The following NET1 variants were observed in gnomAD, a reference collection of about 807,000 sequenced individuals.
NET1 encodes neuroepithelial cell transforming 1.
In NET1, 42 loss-of-function variants were observed where a neutral mutation model predicts 61.1. That is an observed-to-expected ratio of 0.69 (90% CI 0.54 to 0.89). NET1 has a LOEUF of 0.89. Ranked by LOEUF, NET1 falls within the 40% of genes least tolerant of loss-of-function variation. The pLI is 0.00. For missense variants in NET1, 654 were observed against 747.3 expected, an observed-to-expected ratio of 0.88 and a Z score of 1.46; for synonymous variants, 254 against 281.8, an observed-to-expected ratio of 0.90 and a Z score of 0.99.
At chr10:5,432,605 T>A (rs1832366319) in intron 3 of NET1, among the ~76,000 whole-genome samples, 1 of 75,722 alleles carries the variant, frequency 1.3e-5, no homozygotes, top group Non-Finnish European at 3.0e-5. Flanking sequence ...CTTTTTAAAT[T>A]TATCTTATAA....
chr10:5,412,782 G>A lies in NET1; in HGVS notation c.90G>A (p.Gly30=), dbSNP rs1832017138. 4.8e-6 allele frequency: 7 copies of A among 1,457,092 alleles called. No homozygotes were observed. The highest frequency in any genetic ancestry group is 6.3e-6 in the Non-Finnish European group (7 of 1,108,670). 90.3% of individuals were successfully genotyped at this position (1,457,092 alleles called of 1,614,324 possible). A position where few individuals can be genotyped will look rare whatever the true frequency, so the allele number is the denominator to read the frequency against. Residue 30 remains glycine (G), a synonymous_variant, in exon 1 of 12, where the codon GGG becomes GGA. Coordinates refer to ENST00000355029, the MANE Select transcript of NET1 (RefSeq NM_001047160.3). The surrounding 1 kb of genome is among the most constrained non-coding windows in gnomAD (Gnocchi z 6.5). ...GGCTCAGCACGGAGGGAGCGACGGG[G>A]CCTTCGGCCGACACCTCCGGGTCGG... ...ASGLSTEGAT[G]PSADTSGSEL... is the part of the protein sequence containing the mutation.
intron 3 of NET1, among the ~76,000 whole-genome samples, chr10:5,434,526 T>C (rs1832396017): frequency 6.6e-6 from 1 of 152,124 alleles, no homozygotes; most frequent in South Asian, 2.1e-4. Context: ...GTTGAAGGGA[T>C]TCTCCTGTTC....
intron 1 of NET1, among the ~76,000 whole-genome samples, chr10:5,425,738 G>A (rs906201676): frequency 6.6e-6 from 1 of 152,136 alleles, no homozygotes; most frequent in South Asian, 2.1e-4. Flanking sequence ...TGCAAATGAC[G>A]ATAGATGACT....
rs924843054 is a variant in NET1 at position 5,420,035 on chromosome 10, G to A, written c.129-6620G>A. On this transcript the variant is annotated intron_variant, in intron 1 of 11. Coordinates refer to ENST00000355029, the MANE Select transcript of NET1 (RefSeq NM_001047160.3). The surrounding 1 kb of genome is among the most constrained non-coding windows in gnomAD (Gnocchi z 5.3). ...ACTTGAAGTTTATTGAGCTTTTTCT[G>A]AATGTGTAGGTGGTTGTTTTTCAAT... Among the ~76,000 whole-genome samples, 12 of 152,026 alleles carry A rather than the reference G, an allele frequency of 7.9e-5. No individual in the cohort carries two copies. The highest frequency in any genetic ancestry group is 2.2e-4 in the African/African-American group (9 of 41,388).
rs1832414991 is a variant in NET1 at position 5,435,516 on chromosome 10, G to C, written c.255+6287G>C. Among the ~76,000 whole-genome samples the C allele has an allele frequency of 6.8e-5, 1 of 14,686 alleles. No individual in the cohort carries two copies. Among genetic ancestry groups the C allele is most frequent in the Non-Finnish European group, 1.8e-4 (1 of 5,592 alleles). The allele number at this position is 14,686 out of a possible 152,430, so 9.6% of individuals were successfully genotyped here. ...AGATAGATAGATAGATAGATAGATA[G>C]ATAGATAGATAGATAGACAGACAGA... On this transcript the variant is annotated intron_variant, in intron 3 of 11. Transcript: ENST00000355029. The surrounding 1 kb of genome is among the most constrained non-coding windows in gnomAD (Gnocchi z 5.0).
At chr10:5,432,533 G>A (rs1447215023) in intron 3 of NET1, among the ~76,000 whole-genome samples, 1 of 152,036 alleles carries the variant, frequency 6.6e-6, no homozygotes, top group Non-Finnish European at 1.5e-5. Flanking sequence ...TCACTTCTGT[G>A]TGTAATTACA....
At position 5,415,596 on chromosome 10, in the gene NET1, C is replaced by T. The variant is rs11253167; in HGVS notation, c.128+2776C>T. Among the ~76,000 whole-genome samples, 14,485 of 152,118 alleles carry T rather than the reference C, an allele frequency of 0.095. 840 individuals are homozygous for T. Among genetic ancestry groups the T allele is most frequent in the Middle Eastern group, 0.15 (45 of 294 alleles). On this transcript the variant is annotated intron_variant, in intron 1 of 11. Transcript: ENST00000355029. This position sits in a 1 kb window ranked among gnomAD's most constrained non-coding sequence, Gnocchi z 4.7. ...CTGGAACTACAGGCATGTGTCACCA[C>T]GTGTGGCTAATTTTTTGTATTTTTA...
In NET1 at chr10:5,457,139, T is replaced by G. The variant is rs757334101; in HGVS notation, c.*145T>G. 1.5e-6 allele frequency: 1 copy of G among 666,732 alleles called. No homozygotes were observed. Among genetic ancestry groups the G allele is most frequent in the Non-Finnish European group, 2.2e-6 (1 of 447,490 alleles). 41.3% of individuals were successfully genotyped at this position (666,732 alleles called of 1,614,324 possible). A position where few individuals can be genotyped will look rare whatever the true frequency, so the allele number is the denominator to read the frequency against. On this transcript the variant is annotated 3_prime_UTR_variant, in exon 12 of 12. Transcript: ENST00000355029. The surrounding 1 kb of genome is among the most constrained non-coding windows in gnomAD (Gnocchi z 5.4). Reference sequence around the variant, plus strand: ...TTTTTGGTTGTTCTTTTTTCTTTTTTTAATGGCAGCTAAAGATATACAGAT... The same window carrying G: ...TTTTTGGTTGTTCTTTTTTCTTTTTGTAATGGCAGCTAAAGATATACAGAT...
At position 5,435,142 on chromosome 10, in the gene NET1, G is replaced by A. The variant is rs1468429249; in HGVS notation, c.255+5913G>A. On this transcript the variant is annotated intron_variant, in intron 3 of 11. Transcript: ENST00000355029. The surrounding 1 kb of genome is among the most constrained non-coding windows in gnomAD (Gnocchi z 5.0). The stretch of plus-strand genomic sequence containing the variant: ...TCAGAGTCACCTGAGGGTGGCTTGT[G>A]TAGCAGGAGAAGTGTGCTACGGGAC... Among the ~76,000 whole-genome samples the A allele has an allele frequency of 6.6e-6, 1 of 152,208 alleles. No individual in the cohort carries two copies. Among genetic ancestry groups the A allele is most frequent in the East Asian group, 1.9e-4 (1 of 5,206 alleles).
rs556463402 is a variant in NET1, at chr10:5,440,722, C to T, written c.256-11108C>T. Reference sequence around the variant, plus strand: ...AGCTGCTTTTTCAAATCTTTTAAAGCAATTAGCCAAAGCCAGTAAACACTA... The same window carrying T: ...AGCTGCTTTTTCAAATCTTTTAAAGTAATTAGCCAAAGCCAGTAAACACTA... On this transcript the variant is annotated intron_variant, in intron 3 of 11. Coordinates refer to ENST00000355029, the MANE Select transcript of NET1 (RefSeq NM_001047160.3). The surrounding 1 kb of genome is among the most constrained non-coding windows in gnomAD (Gnocchi z 4.1). 6.6e-6 allele frequency among the ~76,000 whole-genome samples: 1 copy of T among 151,928 alleles called. No homozygotes were observed. Among genetic ancestry groups the T allele is most frequent in the African/African-American group, 2.4e-5 (1 of 41,430 alleles).
chr10:5,442,992 T>TA (rs2119199295), intron 3 of NET1, among the ~76,000 whole-genome samples: 1 of 152,356 alleles, frequency 6.6e-6, no homozygotes, highest in Non-Finnish European at 1.5e-5. Context: ...ATAAGGCAGC[T>TA]AATCTCTCAA....
Position 5,451,495 on chromosome 10 carries a change from CAAT to C in NET1, c.256-332_256-330del, listed in dbSNP as rs1260358072. ...CATGTATGTTCGAAAATTTTCATAA[CAAT>C]AAGGCTTTTTTTTAAAAAAAAAAAA... is the stretch of plus-strand genomic sequence containing the variant. On this transcript the variant is annotated intron_variant, in intron 3 of 11. Transcript: ENST00000355029. The surrounding 1 kb of genome is among the most constrained non-coding windows in gnomAD (Gnocchi z 6.1). Among the ~76,000 whole-genome samples the C allele has an allele frequency of 8.3e-6, 1 of 120,468 alleles. No homozygotes were observed. The highest frequency in any genetic ancestry group is 2.3e-4 in the East Asian group (1 of 4,286). 79.0% of individuals were successfully genotyped at this position (120,468 alleles called of 152,430 possible).
In NET1 at chr10:5,420,783, A is replaced by AC. The variant is rs1832161744; in HGVS notation, c.129-5871dup. 6.6e-6 allele frequency among the ~76,000 whole-genome samples: 1 copy of AC among 151,860 alleles called. No homozygotes were observed. Among genetic ancestry groups the AC allele is most frequent in the African/African-American group, 2.4e-5 (1 of 41,288 alleles). On this transcript the variant is annotated intron_variant, in intron 1 of 11. Coordinates refer to ENST00000355029, the MANE Select transcript of NET1 (RefSeq NM_001047160.3). This position sits in a 1 kb window ranked among gnomAD's most constrained non-coding sequence, Gnocchi z 5.3. Reference sequence around the variant, plus strand: ...GCTAATTTTTGTATTTTTAGTAGAGACGGGGTTTCACCATGTTGGCCAGGA... The same window carrying AC: ...GCTAATTTTTGTATTTTTAGTAGAGACCGGGGTTTCACCATGTTGGCCAGGA...
chr10:5,419,405 C>T (rs1322088496), intron 1 of NET1, among the ~76,000 whole-genome samples: 3 of 152,072 alleles, frequency 2.0e-5, no homozygotes, highest in Non-Finnish European at 4.4e-5. Context: ...TCACATTTAA[C>T]GTTATTTATT....
At chr10:5,445,891 A>G (rs1832599192) in intron 3 of NET1, among the ~76,000 whole-genome samples, 1 of 152,236 alleles carries the variant, frequency 6.6e-6, no homozygotes, top group South Asian at 2.1e-4. Context: ...TATATATAAT[A>G]TATACACAAT....
rs142413109 is a variant in NET1 at position 5,440,157 on chromosome 10, A to G, written c.255+10928A>G. ...CAGGTCTTTTTGGTATAATGTTATT[A>G]ATACAGTGGGCCTGTATGATGTTCT... On this transcript the variant is annotated intron_variant, in intron 3 of 11. Transcript: ENST00000355029. The surrounding 1 kb of genome is among the most constrained non-coding windows in gnomAD (Gnocchi z 4.1). 9.5e-4 allele frequency among the ~76,000 whole-genome samples: 144 copies of G among 152,346 alleles called. No individual in the cohort carries two copies. The highest frequency in any genetic ancestry group is 3.3e-3 in the African/African-American group (139 of 41,580).
At position 5,446,765 on chromosome 10, in the gene NET1, C is replaced by A. The variant is rs1370146401; in HGVS notation, c.256-5065C>A. 1.2e-6 allele frequency: 2 copies of A among 1,601,124 alleles called. No homozygotes were observed. On this transcript the variant is annotated intron_variant, in intron 3 of 11. Transcript: ENST00000355029. This position sits in a 1 kb window ranked among gnomAD's most constrained non-coding sequence, Gnocchi z 5.0. ...AAGGTTTGAGGGAGTACTTGGGAAG[C>A]ATGGTGGCACATGATGAGACTGGAG...
chr10:5,431,266 T>A lies in NET1; in HGVS notation c.255+2037T>A, dbSNP rs868484524. On this transcript the variant is annotated intron_variant, in intron 3 of 11. Transcript: ENST00000355029. This position sits in a 1 kb window ranked among gnomAD's most constrained non-coding sequence, Gnocchi z 4.9. ...TGTTGAAGAAACATGTCATGCAGGA[T>A]TTTCCTATAGATCTTTTTATAGCCT... is the stretch of plus-strand genomic sequence containing the variant. Among the ~76,000 whole-genome samples the A allele has an allele frequency of 6.6e-6, 1 of 152,240 alleles. No homozygotes were observed.
In NET1 at chr10:5,451,407, A is replaced by AT; in HGVS notation, c.256-422dup. On this transcript the variant is annotated intron_variant, in intron 3 of 11. Transcript: ENST00000355029. The surrounding 1 kb of genome is among the most constrained non-coding windows in gnomAD (Gnocchi z 6.1). The stretch of plus-strand genomic sequence containing the variant: ...AGGGACAAAAATGAAACAAATTGTT[A>AT]TACCAGACACTGTGGAGGCCCCTCG... Among the ~76,000 whole-genome samples the AT allele has an allele frequency of 6.6e-6, 1 of 152,178 alleles. No individual in the cohort carries two copies. The highest frequency in any genetic ancestry group is 1.9e-4 in the East Asian group (1 of 5,202).
Sources: allele counts gnomAD v4.1 joint callset (sites outside exome capture counted in the v4.1 genomes callset), GRCh38; gene constraint gnomAD v4.1.1; non-coding constraint Gnocchi (gnomAD v3.1); transcripts MANE v1.5; gene names NCBI Gene and HGNC (gene_info 2026-07-23, HGNC 2026-07-21).